The following UBAC2 variants were observed in gnomAD, a reference collection of about 807,000 sequenced individuals.
The protein encoded by UBAC2 is UBA domain containing 2, also known as ubiquitin-associated domain-containing protein 2.
UBAC2 carries 26 observed loss-of-function variants against 44.0 expected under a neutral mutation model. The ratio of observed to expected loss-of-function variants is 0.59; its 90% confidence interval spans 0.43 to 0.82. The LOEUF is 0.82. Ranked by LOEUF, UBAC2 falls within the 40% of genes least tolerant of loss-of-function variation. The pLI is 0.00. For missense variants in UBAC2, 329 were observed against 419.4 expected (o/e 0.78, Z 1.88); for synonymous variants, 155 against 154.3 (o/e 1.00, Z -0.04).
At chr13:99,201,910 A>G (rs2042806376) in intron 1 of UBAC2, among the ~76,000 whole-genome samples, 1 of 152,064 alleles carries the variant, frequency 6.6e-6, no homozygotes, top group African/African-American at 2.4e-5. Context: ...TCTCTCTACT[A>G]AAAACACAAA....
chr13:99,204,790 C>T (rs1369471688), intron 1 of UBAC2, among the ~76,000 whole-genome samples: 1 of 151,220 alleles, frequency 6.6e-6, no homozygotes, highest in Non-Finnish European at 1.5e-5. Flanking sequence ...GTGAGTGGGA[C>T]ATAAATGGAG....
chr13:99,342,117 A>C (rs1397261879), intron 7 of UBAC2, among the ~76,000 whole-genome samples: 1 of 152,206 alleles, frequency 6.6e-6, no homozygotes, highest in Non-Finnish European at 1.5e-5. Flanking sequence ...CACCGTCAGC[A>C]TCAGTATCTA....
At chr13:99,269,959 T>C (rs544389420) in intron 4 of UBAC2, among the ~76,000 whole-genome samples, 2 of 152,376 alleles carry the variant, frequency 1.3e-5, no homozygotes, top group East Asian at 3.9e-4. Context: ...CTTTAACAGT[T>C]TGATACCCTG....
chr13:99,229,439 C>T (rs1461204355), intron 1 of UBAC2, among the ~76,000 whole-genome samples: 3 of 152,178 alleles, frequency 2.0e-5, no homozygotes, highest in Admixed American at 2.0e-4. Context: ...GGTTTGATTG[C>T]AGCAAAGGCT....
chr13:99,254,987 G>A lies in UBAC2; in HGVS notation c.389+10363G>A, dbSNP rs762471452. 6 of 1,613,970 alleles carry A rather than the reference G, an allele frequency of 3.7e-6. No individual in the cohort carries two copies. In the African/African-American group the frequency reaches 4.0e-5, roughly 11 times the overall value. ...CGGTATAGCATGACACTAATGACTC[G>A]AGCCTGAAATTGTTTTGAAACGATG... is the stretch of plus-strand genomic sequence containing the variant. On this transcript the variant is annotated intron_variant, in intron 4 of 8. Transcript: ENST00000403766.
chr13:99,316,000 G>A (rs528901688), intron 5 of UBAC2, among the ~76,000 whole-genome samples: 4 of 151,636 alleles, frequency 2.6e-5, no homozygotes, highest in Non-Finnish European at 5.9e-5. Context: ...AATATCTAGT[G>A]CCGTTTCCAC....
intron 4 of UBAC2, among the ~76,000 whole-genome samples, chr13:99,253,377 A>G (rs931553241): frequency 1.3e-5 from 2 of 152,182 alleles, no homozygotes; most frequent in African/African-American, 4.8e-5. Context: ...TCAGTTTTTT[A>G]TATTTCGAAC....
Position 99,228,250 on chromosome 13 carries a change from G to A in UBAC2, c.32-10177G>A, listed in dbSNP as rs183386156. Among the ~76,000 whole-genome samples the A allele has an allele frequency of 2.4e-3, 363 of 152,108 alleles. 1 individual carries two copies. Among genetic ancestry groups the A allele is most frequent in the African/African-American group, 8.1e-3 (337 of 41,488 alleles). On this transcript the variant is annotated intron_variant, in intron 1 of 8. Coordinates refer to ENST00000403766, the MANE Select transcript of UBAC2 (RefSeq NM_001144072.2). ...TAATGGGGGAAGCCCGGGGTGTTGT[G>A]ATGGTGCTGGTGGTAGGAGCAATAT...
At chr13:99,363,993 A>G (rs983273877) in intron 7 of UBAC2, among the ~76,000 whole-genome samples, 9 of 152,150 alleles carry the variant, frequency 5.9e-5, no homozygotes, top group Admixed American at 2.6e-4. Flanking sequence ...AATGATTTCA[A>G]TAGAGGGAAT....
intron 1 of UBAC2, among the ~76,000 whole-genome samples, chr13:99,233,962 G>GTTA (rs1455726128): frequency 6.6e-6 from 1 of 151,734 alleles, no homozygotes; most frequent in African/African-American, 2.4e-5. Context: ...ATATTACAGG[G>GTTA]TTATTATTTT....
At chr13:99,312,423 C>G (rs1038029086) in intron 4 of UBAC2, among the ~76,000 whole-genome samples, 1 of 152,186 alleles carries the variant, frequency 6.6e-6, no homozygotes, top group African/African-American at 2.4e-5. Context: ...TGTGCCCAAA[C>G]CACTCTACTC....
At chr13:99,360,366 CTT>C (rs772210936) in intron 7 of UBAC2, among the ~76,000 whole-genome samples, 33 of 152,314 alleles carry the variant, frequency 2.2e-4, no homozygotes, top group Non-Finnish European at 4.0e-4. Context: ...TGAATTAACT[CTT>C]TTGATTCTCA....
In UBAC2 at chr13:99,244,535, G is replaced by A. The variant is rs1399532934; in HGVS notation, c.300G>A (p.Trp100Ter). The change falls in exon 4 of 9, where the codon TGG (tryptophan) becomes TGA (stop). Residue 100 changes from tryptophan (W) to a stop codon, truncating the protein, a stop_gained. Coordinates refer to ENST00000403766, the MANE Select transcript of UBAC2 (RefSeq NM_001144072.2). LOFTEE classifies it high-confidence loss of function. ...RKFASFLLGS[W>*]VLSALFDFLL... ...TGTAGTCCTTTTTGCTGGGTTCCTG[G>A]GTTTTGTCAGCCTTATTTGACTTTC... The A allele has an allele frequency of 6.2e-7, 1 of 1,612,924 alleles. No homozygotes were observed. Among genetic ancestry groups the A allele is most frequent in the Non-Finnish European group, 8.5e-7 (1 of 1,179,386 alleles).
At chr13:99,216,885 C>T (rs1456489767) in intron 1 of UBAC2, among the ~76,000 whole-genome samples, 2 of 148,940 alleles carry the variant, frequency 1.3e-5, no homozygotes, top group South Asian at 2.1e-4. Context: ...GGCTGGAGTG[C>T]AGTGGTGCGA....
intron 5 of UBAC2, among the ~76,000 whole-genome samples, chr13:99,315,249 C>T (rs907132167): frequency 6.6e-6 from 1 of 152,128 alleles, no homozygotes; most frequent in African/African-American, 2.4e-5. Context: ...CCCGTTTCTG[C>T]ATTTGATTCT....
rs183733528 is a variant in UBAC2 at position 99,271,223 on chromosome 13, G to T, written c.389+26599G>T. Among the ~76,000 whole-genome samples, 316 of 152,290 alleles carry T rather than the reference G, an allele frequency of 2.1e-3. 1 individual carries two copies. Among genetic ancestry groups the T allele is most frequent in the Non-Finnish European group, 3.2e-3 (221 of 68,016 alleles). Reference sequence around the variant, plus strand: ...AATAAACTAGGGAAGGGAATGCCAGGGTGTGAGTGGGATTGCAGTTTTAAT... The same window carrying T: ...AATAAACTAGGGAAGGGAATGCCAGTGTGTGAGTGGGATTGCAGTTTTAAT... On this transcript the variant is annotated intron_variant, in intron 4 of 8. Coordinates refer to ENST00000403766, the MANE Select transcript of UBAC2 (RefSeq NM_001144072.2).
At chr13:99,323,448 C>A (rs1246077841) in intron 6 of UBAC2, among the ~76,000 whole-genome samples, 1 of 152,114 alleles carries the variant, frequency 6.6e-6, no homozygotes, top group Non-Finnish European at 1.5e-5. Context: ...AAAAAACAAA[C>A]AAACAAACAA....
intron 1 of UBAC2, among the ~76,000 whole-genome samples, chr13:99,236,435 C>G (rs1003557357): frequency 3.9e-5 from 6 of 152,194 alleles, no homozygotes; most frequent in Admixed American, 3.9e-4. Flanking sequence ...AGAAGACATA[C>G]AAATGGCCAA....
chr13:99,309,114 A>G (rs922984617), intron 4 of UBAC2, among the ~76,000 whole-genome samples: 2 of 149,622 alleles, frequency 1.3e-5, no homozygotes, highest in African/African-American at 4.9e-5. Context: ...TGTCCTCCCA[A>G]CCTTCTTTTT....
Sources: gnomAD v4.1 joint callset for allele counts (sites outside exome capture counted in the v4.1 genomes callset) on GRCh38, gnomAD v4.1.1 for gene constraint, MANE v1.5 for transcripts, NCBI Gene and HGNC (gene_info 2026-07-23, HGNC 2026-07-21) for gene names.